The following CADM2 variants were observed in gnomAD, a reference collection of about 807,000 sequenced individuals.
CADM2 encodes cell adhesion molecule 2, also known as immunoglobulin superfamily member 4D.
In CADM2, 12 loss-of-function variants were observed where a neutral mutation model predicts 49.8. The ratio of observed to expected loss-of-function variants is 0.24; its 90% CI spans 0.15 to 0.39. CADM2 has a LOEUF of 0.39. CADM2 is among the 10% of genes least tolerant of loss of function. CADM2 has a pLI of 1.00. For missense variants in CADM2, 378 were observed against 492.3 expected (o/e 0.77, Z 2.20); for synonymous variants, 214 against 175.4 (o/e 1.22, Z -1.74).
chr3:85,187,025 T>C (rs1030939821), intron 1 of CADM2, among the ~76,000 whole-genome samples: 1 of 152,012 alleles, frequency 6.6e-6, no homozygotes, highest in Non-Finnish European at 1.5e-5. Context: ...CAATTATACC[T>C]CAGGCACTGG....
intron 2 of CADM2, among the ~76,000 whole-genome samples, chr3:85,783,394 A>G (rs533823999): frequency 6.6e-6 from 1 of 152,196 alleles, no homozygotes; most frequent in Non-Finnish European, 1.5e-5. Flanking sequence ...CTTATTTGGC[A>G]TATGTCCAAG....
intron 1 of CADM2, among the ~76,000 whole-genome samples, chr3:85,472,740 A>G (rs1183054066): frequency 1.3e-5 from 2 of 151,938 alleles, no homozygotes; most frequent in African/African-American, 4.8e-5. Flanking sequence ...ATTTCTACTC[A>G]CTAAAACTAC....
intron 8 of CADM2, chr3:85,993,261 A>T (rs1197388553): frequency 6.6e-6 from 1 of 152,172 alleles, no homozygotes; most frequent in African/African-American, 2.4e-5. Context: ...CAGCTTAAGA[A>T]ATCATTTTAT....
chr3:85,194,328 T>C (rs959755104), intron 1 of CADM2, among the ~76,000 whole-genome samples: 6 of 152,044 alleles, frequency 3.9e-5, no homozygotes, highest in Middle Eastern at 3.2e-3. Flanking sequence ...CTACTGAGTA[T>C]GTCTTAAAAC....
intron 1 of CADM2, among the ~76,000 whole-genome samples, chr3:85,253,425 T>C (rs564887171): frequency 6.6e-5 from 10 of 152,120 alleles, no homozygotes; most frequent in African/African-American, 2.4e-4. Context: ...TATTATCTAG[T>C]CCCCTGGAAA....
intron 1 of CADM2, among the ~76,000 whole-genome samples, chr3:85,147,372 A>G (rs1005894553): frequency 2.0e-5 from 3 of 151,406 alleles, no homozygotes; most frequent in African/African-American, 7.3e-5. Context: ...AGTGACAAAC[A>G]TGGCTTGAAA....
In CADM2 at chr3:85,044,459, A is replaced by G. The variant is rs527654579; in HGVS notation, c.61+84791A>G. ...AGAGAATTTTAGGTCAGTTGGAAGG[A>G]TCTGTTCTCTCTGCATTATGAAGGG... On this transcript the variant is annotated intron_variant, in intron 1 of 9. Transcript: ENST00000383699. Among the ~76,000 whole-genome samples, 2 of 152,154 alleles carry G rather than the reference A, an allele frequency of 1.3e-5. 1 individual carries two copies. Among genetic ancestry groups the G allele is most frequent in the Admixed American group, 1.3e-4 (2 of 15,258 alleles).
intron 1 of CADM2, among the ~76,000 whole-genome samples, chr3:85,069,175 A>G (rs1320246455): frequency 6.6e-6 from 1 of 152,042 alleles, no homozygotes; most frequent in Non-Finnish European, 1.5e-5. Flanking sequence ...GGGGAAGAAT[A>G]ATGGAAGAGA....
rs528540136 is a variant in CADM2, at chr3:85,821,559, T to A, written c.238+19363T>A. Among the ~76,000 whole-genome samples, 582 of 152,292 alleles carry A rather than the reference T, an allele frequency of 3.8e-3. 2 individuals are homozygous for A. The highest frequency in any genetic ancestry group is 6.8e-3 in the Middle Eastern group (2 of 294). On this transcript the variant is annotated intron_variant, in intron 3 of 9. Transcript: ENST00000383699. ...GACTAGAAAGAAAGGGGGCTGTTTG[T>A]TTTTGTTGCATACACAAGAAGTTAG...
intron 8 of CADM2, among the ~76,000 whole-genome samples, chr3:86,027,314 C>T (rs753788295): frequency 6.6e-6 from 1 of 151,928 alleles, no homozygotes; most frequent in Non-Finnish European, 1.5e-5. Flanking sequence ...CATTGCATAC[C>T]GTATATTGGA....
chr3:85,636,917 C>CA, intron 1 of CADM2, among the ~76,000 whole-genome samples: 1 of 152,240 alleles, frequency 6.6e-6, no homozygotes, highest in African/African-American at 2.4e-5. Context: ...GTCTACACAA[C>CA]AAAATGCTTG....
intron 1 of CADM2, among the ~76,000 whole-genome samples, chr3:85,199,600 C>T (rs1171192806): frequency 6.6e-6 from 1 of 151,520 alleles, no homozygotes; most frequent in Non-Finnish European, 1.5e-5. Flanking sequence ...TGAATGCAGG[C>T]AAATTGAATT....
intron 3 of CADM2, among the ~76,000 whole-genome samples, chr3:85,843,771 A>T (rs1281530347): frequency 6.6e-6 from 1 of 152,180 alleles, no homozygotes; most frequent in Non-Finnish European, 1.5e-5. Context: ...GGTAAACAAC[A>T]GAAGCTAAAA....
intron 1 of CADM2, among the ~76,000 whole-genome samples, chr3:85,539,837 G>A (rs919153580): frequency 1.3e-5 from 2 of 152,064 alleles, no homozygotes; most frequent in South Asian, 2.1e-4. Context: ...CAGTGGTGTC[G>A]TTGGATAAAA....
At chr3:85,922,277 T>C (rs1719219276) in intron 6 of CADM2, among the ~76,000 whole-genome samples, 2 of 151,684 alleles carry the variant, frequency 1.3e-5, no homozygotes, top group Non-Finnish European at 2.9e-5. Context: ...TTATAAATTG[T>C]TGTAATTTTT....
At chr3:85,245,790 C>T (rs2042633361) in intron 1 of CADM2, among the ~76,000 whole-genome samples, 1 of 152,092 alleles carries the variant, frequency 6.6e-6, no homozygotes, top group Non-Finnish European at 1.5e-5. Flanking sequence ...TTCCACATGC[C>T]AAGTAGTGTG....
At chr3:85,314,919 G>A (rs992437179) in intron 1 of CADM2, among the ~76,000 whole-genome samples, 53 of 152,014 alleles carry the variant, frequency 3.5e-4, no homozygotes, top group African/African-American at 1.2e-3. Flanking sequence ...AGTTTCTGAG[G>A]GCTGTTCTAA....
chr3:85,629,058 A>G (rs1034018619), intron 1 of CADM2, among the ~76,000 whole-genome samples: 1 of 151,790 alleles, frequency 6.6e-6, no homozygotes, highest in African/African-American at 2.4e-5. Context: ...ATTTTTGTGC[A>G]TACAATAGTT....
At chr3:85,989,338 A>T (rs147113709) in intron 8 of CADM2, among the ~76,000 whole-genome samples, 1 of 152,112 alleles carries the variant, frequency 6.6e-6, no homozygotes, top group African/African-American at 2.4e-5. Context: ...GCAAAGAAAA[A>T]CTGGAGCCAT....
Sources: gnomAD v4.1 joint callset for allele counts (sites outside exome capture counted in the v4.1 genomes callset) on GRCh38, gnomAD v4.1.1 for gene constraint, MANE v1.5 for transcripts, NCBI Gene and HGNC (gene_info 2026-07-23, HGNC 2026-07-21) for gene names.